Variants in DPYD observed in about 807,000 individuals in gnomAD.
DPYD encodes the protein dihydropyrimidine dehydrogenase [NADP(+)].
DPYD carries 109 observed loss-of-function variants against 116.2 expected under a neutral mutation model. The observed-to-expected ratio is 0.94, with a 90% CI of 0.80 to 1.10. DPYD has a LOEUF of 1.10. Among genes scored for constraint, DPYD ranks in the 50% least tolerant of loss-of-function variants. DPYD has a pLI of 0.00. For synonymous variants in DPYD, 440 were observed against 432.0 expected, an observed-to-expected ratio of 1.02 and a Z score of -0.23; for missense variants, 1,302 against 1,254.5, an observed-to-expected ratio of 1.04 and a Z score of -0.57.
At chr1:97,505,702 A>G (rs1178370637) in intron 13 of DPYD, among the ~76,000 whole-genome samples, 1 of 151,928 alleles carries the variant, frequency 6.6e-6, no homozygotes, top group East Asian at 1.9e-4. Flanking sequence ...AAAATAGTAT[A>G]TATAAAAGGA....
At chr1:97,233,272 T>C (rs575513194) in intron 19 of DPYD, among the ~76,000 whole-genome samples, 8 of 152,150 alleles carry the variant, frequency 5.3e-5, no homozygotes, top group South Asian at 4.2e-4. Context: ...ACTGACACCA[T>C]AAGAAGGAGG....
At chr1:97,426,161 G>A (rs1674856229) in intron 14 of DPYD, among the ~76,000 whole-genome samples, 1 of 151,942 alleles carries the variant, frequency 6.6e-6, no homozygotes, top group African/African-American at 2.4e-5. Context: ...AAGGAGGTAC[G>A]AGGCAAGAGG....
chr1:97,838,835 G>A (rs1366801138), intron 2 of DPYD, among the ~76,000 whole-genome samples: 2 of 151,432 alleles, frequency 1.3e-5, no homozygotes, highest in Non-Finnish European at 2.9e-5. Flanking sequence ...CTGGGCGACA[G>A]AGCGAGACTC....
At chr1:97,122,472 A>T (rs1449621476) in intron 20 of DPYD, among the ~76,000 whole-genome samples, 1 of 152,188 alleles carries the variant, frequency 6.6e-6, no homozygotes, top group Non-Finnish European at 1.5e-5. Flanking sequence ...AATGTAGAAT[A>T]TTCTAGAATA....
chr1:97,323,499 C>CACGT (rs1205566325), intron 16 of DPYD, among the ~76,000 whole-genome samples: 5 of 44,698 alleles, frequency 1.1e-4, no homozygotes, highest in Non-Finnish European at 2.0e-4. Flanking sequence ...ATATACATAT[C>CACGT]ATATGTACAT....
In DPYD at chr1:97,539,140, G is replaced by A. The variant is rs557043931; in HGVS notation, c.1524+10420C>T. On this transcript the variant is annotated intron_variant, in intron 12 of 22. Coordinates refer to ENST00000370192, the MANE Select transcript of DPYD (RefSeq NM_000110.4). ...GTTGTTGTTTTTATTGTTGTTGAAGGTTGACTTCAAATGCTGGCTGCTAAT... is the reference window on the plus strand; with the variant it reads ...GTTGTTGTTTTTATTGTTGTTGAAGATTGACTTCAAATGCTGGCTGCTAAT... 2.9e-4 allele frequency among the ~76,000 whole-genome samples: 44 copies of A among 152,152 alleles called. 2 individuals are homozygous for A. The highest frequency in any genetic ancestry group is 1.0e-3 in the African/African-American group (43 of 41,528).
chr1:97,483,198 G>A (rs1678419413), intron 13 of DPYD, among the ~76,000 whole-genome samples: 1 of 152,188 alleles, frequency 6.6e-6, no homozygotes, highest in Non-Finnish European at 1.5e-5. Flanking sequence ...AGACTGCCCT[G>A]AAGGTATACT....
intron 8 of DPYD, among the ~76,000 whole-genome samples, chr1:97,660,717 T>G (rs757653872): frequency 6.6e-6 from 1 of 152,158 alleles, no homozygotes; most frequent in Non-Finnish European, 1.5e-5. Flanking sequence ...AAGAAGAGGC[T>G]AAAGCAAAGT....
intron 13 of DPYD, among the ~76,000 whole-genome samples, chr1:97,508,802 G>T (rs1337096017): frequency 6.6e-6 from 1 of 151,946 alleles, no homozygotes; most frequent in African/African-American, 2.4e-5. Context: ...CCATTTCCAT[G>T]CTGTTACAAC....
chr1:97,533,773 C>A (rs2102032186), intron 12 of DPYD, among the ~76,000 whole-genome samples: 1 of 152,236 alleles, frequency 6.6e-6, no homozygotes, highest in Admixed American at 6.5e-5. Flanking sequence ...AAGGAGAATT[C>A]TCTGAAATAG....
At chr1:97,323,508 A>C (rs1222760640) in intron 16 of DPYD, among the ~76,000 whole-genome samples, 1 of 33,914 alleles carries the variant, frequency 2.9e-5, no homozygotes, top group African/African-American at 5.1e-5. Flanking sequence ...TCATATGTAC[A>C]TATGTGTATA....
At position 97,595,998 on chromosome 1, in the gene DPYD, G is replaced by T. The variant is rs537222027; in HGVS notation, c.851-832C>A. Among the ~76,000 whole-genome samples, 4 of 152,076 alleles carry T rather than the reference G, an allele frequency of 2.6e-5. No individual in the cohort carries two copies. The South Asian group carries it at 8.3e-4, about 32-fold the overall frequency. ...AATATACATTGGTGTTCAATATCTA[G>T]AAAATAGTCTTAAATCTATCTTAAG... On this transcript the variant is annotated intron_variant, in intron 8 of 22. Transcript: ENST00000370192.
intron 20 of DPYD, among the ~76,000 whole-genome samples, chr1:97,152,731 T>C (rs1451387824): frequency 1.3e-5 from 2 of 151,620 alleles, no homozygotes; most frequent in Admixed American, 1.3e-4. Flanking sequence ...TACAATATTA[T>C]CATCATCAAT....
chr1:97,714,655 C>CAAAAAAAAAAAA (rs1193831747), intron 5 of DPYD, among the ~76,000 whole-genome samples: 4 of 49,924 alleles, frequency 8.0e-5, no homozygotes, highest in Non-Finnish European at 1.3e-4. Flanking sequence ...AAAGAAAAGA[C>CAAAAAAAAAAAA]AAAAAAAAAA....
At chr1:97,658,843 A>G (rs1659090491) in intron 8 of DPYD, among the ~76,000 whole-genome samples, 1 of 152,174 alleles carries the variant, frequency 6.6e-6, no homozygotes, top group Admixed American at 6.5e-5. Flanking sequence ...ACTTCAGCCT[A>G]AAGACTAAAA....
At chr1:97,149,400 G>A (rs1002913863) in intron 20 of DPYD, among the ~76,000 whole-genome samples, 4 of 152,184 alleles carry the variant, frequency 2.6e-5, no homozygotes, top group East Asian at 3.9e-4. Context: ...TTACAGGCAT[G>A]CACTGCCACG....
At chr1:97,719,157 A>C (rs2101020752) in intron 5 of DPYD, among the ~76,000 whole-genome samples, 1 of 133,320 alleles carries the variant, frequency 7.5e-6, no homozygotes, top group Admixed American at 7.8e-5. Context: ...ATCCACCCCC[A>C]ACCCTGCCAA....
chr1:97,313,645 C>T (rs72726697), intron 16 of DPYD, among the ~76,000 whole-genome samples: 2,259 of 151,840 alleles, frequency 0.015, 39 homozygotes, highest in Middle Eastern at 0.044. Context: ...TTTTCTCTTT[C>T]TACCTGGAAT....
chr1:97,475,620 T>C (rs1677916441), intron 13 of DPYD, among the ~76,000 whole-genome samples: 1 of 152,202 alleles, frequency 6.6e-6, no homozygotes, highest in Non-Finnish European at 1.5e-5. Context: ...ATACTTACTC[T>C]TTGTGGATCT....
Sources: gnomAD v4.1 joint callset for allele counts (sites outside exome capture counted in the v4.1 genomes callset) on GRCh38, gnomAD v4.1.1 for gene constraint, MANE v1.5 for transcripts, NCBI Gene and HGNC (gene_info 2026-07-23, HGNC 2026-07-21) for gene names.